The following FNDC3B variants were observed in gnomAD, a reference collection of about 807,000 sequenced individuals.
FNDC3B encodes the protein fibronectin type III domain containing 3B, also known as fibronectin type III domain-containing protein 3B.
A neutral mutation model predicts 151.5 loss-of-function variants in FNDC3B; 12 were observed. The observed-to-expected ratio is 0.08, with a 90% confidence interval of 0.05 to 0.13. The LOEUF is 0.13. Ranked by LOEUF, FNDC3B falls within the 10% of genes least tolerant of loss-of-function variation. FNDC3B has a pLI of 1.00. For synonymous variants in FNDC3B, 528 were observed against 549.0 expected (o/e 0.96, Z 0.54); for missense variants, 1,214 against 1,505.3 (o/e 0.81, Z 3.20).
intron 9 of FNDC3B, chr3:172,302,602 G>A (rs933279158): frequency 1.3e-5 from 2 of 152,154 alleles, no homozygotes; most frequent in African/African-American, 4.8e-5. Flanking sequence ...TCCTAGTGGT[G>A]ATTGAGGAAG....
intron 6 of FNDC3B, among the ~76,000 whole-genome samples, chr3:172,269,670 G>T (rs1729098193): frequency 6.6e-6 from 1 of 151,602 alleles, no homozygotes; most frequent in Non-Finnish European, 1.5e-5. Context: ...TTGGAGAGAG[G>T]GTCTCACTCT....
chr3:172,095,530 G>A (rs1719052407), intron 1 of FNDC3B, among the ~76,000 whole-genome samples: 1 of 152,162 alleles, frequency 6.6e-6, no homozygotes. Flanking sequence ...ATAGAGAGGG[G>A]TTTTGTTTAA....
chr3:172,135,517 A>G (rs1051767982), intron 3 of FNDC3B, among the ~76,000 whole-genome samples: 2 of 152,182 alleles, frequency 1.3e-5, no homozygotes, highest in African/African-American at 4.8e-5. Flanking sequence ...TGGAGCCATT[A>G]TCTTTGGCTC....
chr3:172,186,824 G>C lies in FNDC3B; in HGVS notation c.188-40047G>C, dbSNP rs1230931738. ...TGTGTCATAGATATTTCTTCATTACGAGCACTTCGCGGTGTGGCTTTTCAA... is the reference window on the plus strand; with the variant it reads ...TGTGTCATAGATATTTCTTCATTACCAGCACTTCGCGGTGTGGCTTTTCAA... On this transcript the variant is annotated intron_variant, in intron 3 of 25. Transcript: ENST00000415807. 8.8e-6 allele frequency: 6 copies of C among 682,688 alleles called. No individual in the cohort carries two copies. The South Asian group carries it at 9.4e-5, about 11-fold the overall frequency. 42.3% of individuals were successfully genotyped at this position (682,688 alleles called of 1,614,324 possible).
At chr3:172,096,886 G>A (rs954093035) in intron 1 of FNDC3B, among the ~76,000 whole-genome samples, 4 of 152,136 alleles carry the variant, frequency 2.6e-5, no homozygotes, top group Non-Finnish European at 5.9e-5. Context: ...GGATGAGGGC[G>A]GGTGGGCTGG....
chr3:172,364,553 C>G (rs1015355272), intron 23 of FNDC3B, among the ~76,000 whole-genome samples: 1 of 152,192 alleles, frequency 6.6e-6, no homozygotes, highest in Non-Finnish European at 1.5e-5. Flanking sequence ...GCAATCCTGC[C>G]CTGTGTGGGG....
intron 2 of FNDC3B, among the ~76,000 whole-genome samples, chr3:172,132,836 A>C: frequency 6.6e-6 from 1 of 152,180 alleles, no homozygotes. Context: ...CTTTGCTATT[A>C]CCACTCATGG....
intron 3 of FNDC3B, among the ~76,000 whole-genome samples, chr3:172,161,599 A>G (rs1722775267): frequency 6.6e-6 from 1 of 152,210 alleles, no homozygotes; most frequent in African/African-American, 2.4e-5. Flanking sequence ...GTAGAAGTTC[A>G]CTGGACACAT....
chr3:172,132,013 C>G (rs925566929), intron 2 of FNDC3B, among the ~76,000 whole-genome samples: 1 of 152,152 alleles, frequency 6.6e-6, no homozygotes, highest in African/African-American at 2.4e-5. Flanking sequence ...GAAAGGCAGA[C>G]ACTAACATAA....
Position 172,307,567 on chromosome 3 carries a change from T to C in FNDC3B, c.1200+66T>C, listed in dbSNP as rs1427444789. ...ATTAGCCAGGTGTGGTGGCAACGTGTTCCTAGTCCCAGCTACCTGGGAGGC... is the reference window on the plus strand; with the variant it reads ...ATTAGCCAGGTGTGGTGGCAACGTGCTCCTAGTCCCAGCTACCTGGGAGGC... On this transcript the variant is annotated intron_variant, in intron 10 of 25. Transcript: ENST00000415807. 1.9e-6 allele frequency: 3 copies of C among 1,540,076 alleles called. No individual in the cohort carries two copies. In the African/African-American group the frequency reaches 4.1e-5, roughly 21 times the overall value.
At chr3:172,291,383 A>G (rs140979041) in intron 7 of FNDC3B, among the ~76,000 whole-genome samples, 3 of 152,344 alleles carry the variant, frequency 2.0e-5, no homozygotes, top group African/African-American at 4.8e-5. Context: ...GACTTACACT[A>G]GTAACCTGTA....
chr3:172,186,362 C>T (rs1365091673), intron 3 of FNDC3B, among the ~76,000 whole-genome samples: 1 of 152,102 alleles, frequency 6.6e-6, no homozygotes, highest in Non-Finnish European at 1.5e-5. Flanking sequence ...TGAGCATGTT[C>T]CTCTAAAAGC....
intron 3 of FNDC3B, among the ~76,000 whole-genome samples, chr3:172,154,190 T>A (rs1324374964): frequency 6.6e-6 from 1 of 152,182 alleles, no homozygotes; most frequent in Non-Finnish European, 1.5e-5. Context: ...GAGATGGGAC[T>A]TTAATTGTAA....
chr3:172,362,811 G>T lies in FNDC3B; in HGVS notation c.2974G>T (p.Val992Leu), dbSNP rs901986252. The T allele has an allele frequency of 6.2e-7, 1 of 1,613,926 alleles. No individual in the cohort carries two copies. Among genetic ancestry groups the T allele is most frequent in the Non-Finnish European group, 8.5e-7 (1 of 1,179,932 alleles). Residue 992 changes from valine (V) to leucine (L), a missense_variant, in exon 23 of 26, where the codon GTG becomes TTG. Coordinates refer to ENST00000415807, the MANE Select transcript of FNDC3B (RefSeq NM_022763.4). ...CAAGACACATGCTGCTGAGGACATT[G>T]TGTACACACTACAGCTGGAGGACAG... ...NSKTHAAEDI[V>L]YTLQLEDRNK... is the part of the protein sequence containing the mutation.
At position 172,247,684 on chromosome 3, in the gene FNDC3B, C is replaced by A; in HGVS notation, c.416C>A (p.Thr139Lys). 6.2e-7 allele frequency: 1 copy of A among 1,614,128 alleles called. No individual in the cohort carries two copies. Among genetic ancestry groups the A allele is most frequent in the Non-Finnish European group, 8.5e-7 (1 of 1,180,010 alleles). The change falls in exon 5 of 26, where the codon ACG becomes AAG. Residue 139 changes from threonine (T) to lysine (K), a missense_variant. Thr to Lys is a moderately conservative substitution (Grantham distance 78, BLOSUM62 -1). Coordinates refer to ENST00000415807, the MANE Select transcript of FNDC3B (RefSeq NM_022763.4). ...HHPHFIHNSH[T>K]AYYPPVTGPG... ...CCACATTTTATTCATAACTCACACA[C>A]GGCTTACTACCCACCTGTTACCGGA...
chr3:172,265,225 ATAAT>A (rs1309014411), intron 6 of FNDC3B, among the ~76,000 whole-genome samples: 2 of 152,220 alleles, frequency 1.3e-5, no homozygotes, highest in East Asian at 1.9e-4. Context: ...AATATGAAAG[ATAAT>A]TAATAGGTAT....
chr3:172,381,128 A>G (rs763922893), intron 25 of FNDC3B, 35 bp downstream of exon 25: 5 of 1,610,372 alleles, frequency 3.1e-6, no homozygotes, highest in Admixed American at 3.3e-5. Context: ...TGTGCAACTG[A>G]GTATGGCTGG....
In FNDC3B at chr3:172,122,174, A is replaced by C. The variant is rs565515601; in HGVS notation, c.111+9584A>C. Among the ~76,000 whole-genome samples the C allele has an allele frequency of 6.6e-5, 10 of 152,340 alleles. No individual in the cohort carries two copies. In the East Asian group the frequency reaches 1.7e-3, roughly 26 times the overall value. ...TCCAAATGATTGATTTAAACATATGACTATATAAAATATATGCGTTACACT... is the reference window on the plus strand; with the variant it reads ...TCCAAATGATTGATTTAAACATATGCCTATATAAAATATATGCGTTACACT... On this transcript the variant is annotated intron_variant, in intron 2 of 25. Coordinates refer to ENST00000415807, the MANE Select transcript of FNDC3B (RefSeq NM_022763.4).
intron 1 of FNDC3B, among the ~76,000 whole-genome samples, chr3:172,095,889 A>G (rs1719068018): frequency 6.6e-6 from 1 of 152,128 alleles, no homozygotes; most frequent in South Asian, 2.1e-4. Flanking sequence ...CCTACAAACA[A>G]TGTGTTGTGA....
Sources: gnomAD v4.1 joint callset for allele counts (sites outside exome capture counted in the v4.1 genomes callset) on GRCh38, gnomAD v4.1.1 for gene constraint, MANE v1.5 for transcripts, NCBI Gene and HGNC (gene_info 2026-07-23, HGNC 2026-07-21) for gene names.